EPAS1: variants seen among roughly 807,000 people sequenced by gnomAD.
EPAS1 encodes endothelial PAS domain-containing protein 1.
EPAS1 carries 23 observed loss-of-function variants against 87.9 expected under a neutral mutation model. That is an observed-to-expected ratio of 0.26 (90% CI 0.19 to 0.37). EPAS1 has a LOEUF of 0.37. EPAS1 is among the 10% of genes least tolerant of loss of function. The pLI is 1.00. For missense variants in EPAS1, 1,138 were observed against 1,120.7 expected, an observed-to-expected ratio of 1.02 and a Z score of -0.22; for synonymous variants, 508 against 444.3, an observed-to-expected ratio of 1.14 and a Z score of -1.80.
chr2:46,382,489 G>A lies in EPAS1; in HGVS notation c.2352G>A (p.Gln784=), dbSNP rs115842412. The A allele has an allele frequency of 1.2e-6, 2 of 1,614,160 alleles. No homozygotes were observed. Among genetic ancestry groups the A allele is most frequent in the African/African-American group, 1.3e-5 (1 of 75,058 alleles). The change falls in exon 15 of 16, where the codon CAG becomes CAA. Residue 784 remains glutamine, a synonymous_variant. Transcript: ENST00000263734. ...CCCTGAGACATCTGCCGCTGCCACA[G>A]CCTCCATCTGCCATCAGTCCCGGGG... is the stretch of plus-strand genomic sequence containing the variant. The part of the protein sequence containing the change: ...GHPLRHLPLP[Q]PPSAISPGEN...
intron 2 of EPAS1, among the ~76,000 whole-genome samples, chr2:46,348,592 C>T (rs148808824): frequency 6.6e-6 from 1 of 152,208 alleles, no homozygotes; most frequent in Admixed American, 6.5e-5. Flanking sequence ...TGCTCTTAGA[C>T]ATTAATTCCT....
intron 15 of EPAS1, among the ~76,000 whole-genome samples, chr2:46,383,901 TGGGCATCTCCCATCGGAG>T (rs1684954433): frequency 6.6e-6 from 1 of 152,012 alleles, no homozygotes; most frequent in Admixed American, 6.6e-5. Flanking sequence ...GGAAGGTGGG[TGGGCATCTCCCATCGGAG>T]GGGCAGAATG....
chr2:46,310,920 A>G (rs1390725778), intron 1 of EPAS1, among the ~76,000 whole-genome samples: 1 of 152,112 alleles, frequency 6.6e-6, no homozygotes, highest in African/African-American at 2.4e-5. Flanking sequence ...TCTGTTGCCC[A>G]GGCTGGAGTG....
At chr2:46,356,127 T>TGGGGGGGGGGGGGGGGGGGGCGGGGGGGG in intron 2 of EPAS1, 24 bp from the exon 3 acceptor site, 1 of 1,395,472 alleles carries the variant, frequency 7.2e-7, no homozygotes, top group Non-Finnish European at 9.9e-7. Flanking sequence ...TCATGCAAGC[T>TGGGGGGGGGGGGGGGGGGGGCGGGGGGGG]GTCCCACCCC....
At chr2:46,335,319 G>C (rs775414359) in intron 1 of EPAS1, among the ~76,000 whole-genome samples, 31 of 152,292 alleles carry the variant, frequency 2.0e-4, no homozygotes, top group East Asian at 1.7e-3. Context: ...ATAAAGAAGA[G>C]AGAACTGACC....
chr2:46,352,346 A>G (rs991852037), intron 2 of EPAS1, among the ~76,000 whole-genome samples: 1 of 152,344 alleles, frequency 6.6e-6, no homozygotes. Flanking sequence ...TACACCTTTC[A>G]GTATCCCTGA....
intron 1 of EPAS1, among the ~76,000 whole-genome samples, chr2:46,318,521 C>G (rs1293047243): frequency 1.3e-5 from 2 of 152,196 alleles, no homozygotes; most frequent in Admixed American, 1.3e-4. Flanking sequence ...CATAATAAAA[C>G]AAGGCATGCC....
At chr2:46,315,260 G>T (rs946323874) in intron 1 of EPAS1, among the ~76,000 whole-genome samples, 1 of 152,172 alleles carries the variant, frequency 6.6e-6, no homozygotes, top group Non-Finnish European at 1.5e-5. Flanking sequence ...CAGTGAGAAC[G>T]GACTGAGCCG....
chr2:46,329,925 T>C (rs1461502751), intron 1 of EPAS1, among the ~76,000 whole-genome samples: 1 of 152,206 alleles, frequency 6.6e-6, no homozygotes, highest in Non-Finnish European at 1.5e-5. Flanking sequence ...TATTACACAT[T>C]TTAAATTCCC....
intron 1 of EPAS1, among the ~76,000 whole-genome samples, chr2:46,343,048 C>A (rs371798684): frequency 6.6e-6 from 1 of 151,884 alleles, no homozygotes; most frequent in Non-Finnish European, 1.5e-5. Context: ...TCTCCACCTG[C>A]GGCATAGATA....
At chr2:46,383,204 TTCATGTGGA>T (rs1684941344) in intron 15 of EPAS1, among the ~76,000 whole-genome samples, 1 of 152,184 alleles carries the variant, frequency 6.6e-6, no homozygotes, top group African/African-American at 2.4e-5. Flanking sequence ...TCCTCAGTTC[TTCATGTGGA>T]TGTGTTTTGG....
At chr2:46,356,413 C>T (rs1035406434) in intron 3 of EPAS1, 111 bp downstream of exon 3, 14 of 1,390,102 alleles carry the variant, frequency 1.0e-5, no homozygotes, top group East Asian at 4.7e-5. Context: ...CAAATGCCCA[C>T]GGTGACCCTC....
At chr2:46,323,603 C>G (rs1050707185) in intron 1 of EPAS1, among the ~76,000 whole-genome samples, 1 of 152,220 alleles carries the variant, frequency 6.6e-6, no homozygotes, top group African/African-American at 2.4e-5. Context: ...AAGGCCATCT[C>G]TGGCCAAACC....
chr2:46,377,009 C>G (rs1684766296), intron 9 of EPAS1, among the ~76,000 whole-genome samples: 1 of 152,196 alleles, frequency 6.6e-6, no homozygotes, highest in East Asian at 1.9e-4. Context: ...GGACACCCCC[C>G]TGAGGGTCGA....
At chr2:46,341,629 G>A (rs1193565589) in intron 1 of EPAS1, among the ~76,000 whole-genome samples, 2 of 152,166 alleles carry the variant, frequency 1.3e-5, no homozygotes, top group African/African-American at 2.4e-5. Context: ...AAATTTGCTG[G>A]ACACAGTGAA....
chr2:46,369,758 T>C (rs995621694), intron 6 of EPAS1, 69 bp from the exon 7 acceptor site: 25 of 1,149,382 alleles, frequency 2.2e-5, no homozygotes, highest in Non-Finnish European at 2.8e-5. Context: ...TGGGGTTAGC[T>C]CCTGCCCACA....
chr2:46,299,478 G>A (rs1458525901), intron 1 of EPAS1, among the ~76,000 whole-genome samples: 1 of 152,254 alleles, frequency 6.6e-6, no homozygotes, highest in Non-Finnish European at 1.5e-5. Context: ...GCAAGGAAAA[G>A]ACTCTTAAGA....
At position 46,380,194 on chromosome 2, in the gene EPAS1, C is replaced by T. The variant is rs1684854265; in HGVS notation, c.1555-33C>T. ...AGTGTTTGTGAGGTCGTACCAACCC[C>T]CTTGCCTCTTTGCCGGTGCTGTCTC... is the stretch of plus-strand genomic sequence containing the variant. On this transcript the variant is annotated intron_variant, in intron 11 of 15. Transcript: ENST00000263734. This position sits in a 1 kb window ranked among gnomAD's most constrained non-coding sequence, Gnocchi z 4.4. The T allele has an allele frequency of 6.2e-7, 1 of 1,603,636 alleles. No individual in the cohort carries two copies.
In EPAS1 at chr2:46,375,647, C is replaced by G. The variant is rs1553397375; in HGVS notation, c.887-43C>G. The G allele has an allele frequency of 6.2e-7, 1 of 1,603,606 alleles. No individual in the cohort carries two copies. Among genetic ancestry groups the G allele is most frequent in the African/African-American group, 1.3e-5 (1 of 74,704 alleles). Reference sequence around the variant, plus strand: ...TCTGCTGAGCCTGTGGTGCACACCCCTGCCCCACCTCCCTAAGCTCAGCTC... The same window carrying G: ...TCTGCTGAGCCTGTGGTGCACACCCGTGCCCCACCTCCCTAAGCTCAGCTC... On this transcript the variant is annotated intron_variant, in intron 7 of 15. Transcript: ENST00000263734. The surrounding 1 kb of genome is among the most constrained non-coding windows in gnomAD (Gnocchi z 4.1).
Sources: gnomAD v4.1 joint callset for allele counts (sites outside exome capture counted in the v4.1 genomes callset) on GRCh38, gnomAD v4.1.1 for gene constraint, Gnocchi (gnomAD v3.1) non-coding constraint, MANE v1.5 for transcripts, NCBI Gene and HGNC (gene_info 2026-07-23, HGNC 2026-07-21) for gene names.